Variants in CGGBP1 observed in about 807,000 individuals in gnomAD.
CGGBP1 encodes CGG triplet repeat binding protein 1.
A neutral mutation model predicts 11.4 loss-of-function variants in CGGBP1; 4 were observed. That is an observed-to-expected ratio of 0.35 (90% CI 0.17 to 0.80). CGGBP1 has a LOEUF of 0.80. Among genes scored for constraint, CGGBP1 ranks in the 30% least tolerant of loss-of-function variants. The pLI is 0.52. For synonymous variants in CGGBP1, 76 were observed against 74.1 expected, an observed-to-expected ratio of 1.03 and a Z score of -0.13; for missense variants, 135 against 202.1, an observed-to-expected ratio of 0.67 and a Z score of 2.01.
chr3:88,084,840 C>T (rs1708254156), intron 2 of CGGBP1, among the ~76,000 whole-genome samples: 1 of 152,084 alleles, frequency 6.6e-6, no homozygotes, highest in Admixed American at 6.6e-5. Flanking sequence ...ACATGGTAGC[C>T]CAAGTGGATG....
intron 1 of CGGBP1, among the ~76,000 whole-genome samples, chr3:88,145,650 C>T (rs1320396772): frequency 6.6e-6 from 1 of 152,068 alleles, no homozygotes; most frequent in East Asian, 1.9e-4. Flanking sequence ...TACCAAGAAT[C>T]AATTGATAAA....
At chr3:88,126,459 C>A (rs1215418773) in intron 2 of CGGBP1, among the ~76,000 whole-genome samples, 4 of 151,456 alleles carry the variant, frequency 2.6e-5, no homozygotes, top group Admixed American at 2.0e-4. Flanking sequence ...TGGATCGGTA[C>A]ATTTATTTCT....
chr3:88,062,992 C>A (rs1170272182), upstream of CGGBP1, among the ~76,000 whole-genome samples: 1 of 152,114 alleles, frequency 6.6e-6, no homozygotes, highest in Non-Finnish European at 1.5e-5. Context: ...TTCTTAAATT[C>A]TGTTATTTAA....
upstream of CGGBP1, among the ~76,000 whole-genome samples, chr3:88,060,607 C>G (rs1426613805): frequency 6.6e-6 from 1 of 152,186 alleles, no homozygotes; most frequent in South Asian, 2.1e-4. Context: ...ACAAGTTACT[C>G]TGTGTCTCAG....
At chr3:88,070,896 T>A (rs1217177624) in intron 2 of CGGBP1, among the ~76,000 whole-genome samples, 1 of 152,190 alleles carries the variant, frequency 6.6e-6, no homozygotes, top group Non-Finnish European at 1.5e-5. Context: ...TGGTTATCTG[T>A]GGGCAGTGCA....
chr3:88,120,241 A>C (rs927750349), intron 2 of CGGBP1, among the ~76,000 whole-genome samples: 6 of 152,156 alleles, frequency 3.9e-5, no homozygotes, highest in African/African-American at 1.4e-4. Flanking sequence ...CCTAAGTCTT[A>C]CTCTTAACCC....
intron 2 of CGGBP1, among the ~76,000 whole-genome samples, chr3:88,072,898 A>G (rs780122479): frequency 1.3e-5 from 2 of 152,234 alleles, no homozygotes; most frequent in Non-Finnish European, 2.9e-5. Context: ...TCACATGGAG[A>G]GACCATTTCT....
At chr3:88,121,142 AG>A (rs1300274612) in intron 2 of CGGBP1, among the ~76,000 whole-genome samples, 1 of 152,178 alleles carries the variant, frequency 6.6e-6, no homozygotes, top group Non-Finnish European at 1.5e-5. Context: ...ATAAAAAAAA[AG>A]AAAATTTTCC....
intron 2 of CGGBP1, among the ~76,000 whole-genome samples, chr3:88,087,633 T>G (rs1420182733): frequency 2.0e-5 from 3 of 152,226 alleles, no homozygotes; most frequent in African/African-American, 7.2e-5. Context: ...CATCTGTTAT[T>G]TATTTATACC....
chr3:88,090,694 TC>T (rs1179433791), intron 2 of CGGBP1, among the ~76,000 whole-genome samples: 1 of 152,182 alleles, frequency 6.6e-6, no homozygotes, highest in Non-Finnish European at 1.5e-5. Context: ...TATAACAACA[TC>T]ATTCTTGCAA....
intron 2 of CGGBP1, among the ~76,000 whole-genome samples, chr3:88,101,840 T>C (rs1268644526): frequency 1.3e-5 from 2 of 152,184 alleles, no homozygotes; most frequent in East Asian, 3.9e-4. Context: ...ATCTTTTTCA[T>C]AATAGCCATT....
chr3:88,124,517 C>T (rs1026532138), intron 2 of CGGBP1, among the ~76,000 whole-genome samples: 5 of 152,098 alleles, frequency 3.3e-5, no homozygotes, highest in South Asian at 2.1e-4. Flanking sequence ...AGGAATGCAA[C>T]GTGGCATATA....
chr3:88,139,531 G>A (rs1233638394), intron 2 of CGGBP1: 1 of 1,613,278 alleles, frequency 6.2e-7, no homozygotes. Context: ...GAAATAAATT[G>A]TTCTAGTTCT....
At chr3:88,068,644 A>G (rs1191422956) in intron 2 of CGGBP1, among the ~76,000 whole-genome samples, 2 of 152,160 alleles carry the variant, frequency 1.3e-5, no homozygotes, top group Admixed American at 1.3e-4. Flanking sequence ...TTATATATGT[A>G]TATGCTGTAT....
chr3:88,144,748 CAT>C (rs1425248812), intron 1 of CGGBP1: 2 of 152,228 alleles, frequency 1.3e-5, no homozygotes, highest in Non-Finnish European at 2.9e-5. Context: ...TATTATGTCT[CAT>C]AAAGGAATGG....
intron 2 of CGGBP1, among the ~76,000 whole-genome samples, chr3:88,125,427 A>T (rs907928512): frequency 1.8e-4 from 27 of 152,176 alleles, no homozygotes; most frequent in African/African-American, 6.5e-4. Flanking sequence ...AACATTTCAA[A>T]TATCTTTTTT....
rs1221805823 is a variant in CGGBP1, at chr3:88,055,196, T to C, written c.*277A>G. Reference sequence around the variant, plus strand: ...GGGCAGTTCTTCCATGCACAAACATTTCAGGAGAAAAACCATTAATTTTAA... The same window carrying C: ...GGGCAGTTCTTCCATGCACAAACATCTCAGGAGAAAAACCATTAATTTTAA... On this transcript the variant is annotated 3_prime_UTR_variant, in exon 4 of 4. Coordinates refer to ENST00000482016, the MANE Select transcript of CGGBP1 (RefSeq NM_001008390.2). The surrounding 1 kb of genome is among the most constrained non-coding windows in gnomAD (Gnocchi z 4.2). 3 of 277,580 alleles carry C rather than the reference T, an allele frequency of 1.1e-5. No individual in the cohort carries two copies. The highest frequency in any genetic ancestry group is 5.0e-5 in the Admixed American group (1 of 20,098). The allele number at this position is 277,580 out of a possible 1,614,324, so 17.2% of individuals were successfully genotyped here.
chr3:88,149,835 G>C (rs539354501), exon 1 of CGGBP1: 5 of 573,680 alleles, frequency 8.7e-6, no homozygotes, highest in Non-Finnish European at 1.6e-5. Context: ...TGAGATACGT[G>C]GGACTTCACT....
chr3:88,055,713 T>C lies in CGGBP1; in HGVS notation c.264A>G (p.Ala88=), dbSNP rs1198178051. The C allele has an allele frequency of 9.9e-6, 16 of 1,614,102 alleles. No homozygotes were observed. Among genetic ancestry groups the C allele is most frequent in the Admixed American group, 3.3e-5 (2 of 60,006 alleles). Residue 88 remains alanine (A), a synonymous_variant, in exon 4 of 4, where the codon GCA becomes GCG. Coordinates refer to ENST00000482016, the MANE Select transcript of CGGBP1 (RefSeq NM_001008390.2). The surrounding 1 kb of genome is among the most constrained non-coding windows in gnomAD (Gnocchi z 4.2). ...NVRKKQRPLT[A]SLQCNSTAQT... is the part of the protein sequence containing the mutation. ...GCGCAGTACTGTTGCACTGAAGAGA[T>C]GCAGTTAGGGGCCTCTGCTTCTTTC...
Sources: gnomAD v4.1 joint callset for allele counts (sites outside exome capture counted in the v4.1 genomes callset) on GRCh38, gnomAD v4.1.1 for gene constraint, Gnocchi (gnomAD v3.1) non-coding constraint, MANE v1.5 for transcripts, NCBI Gene and HGNC (gene_info 2026-07-23, HGNC 2026-07-21) for gene names.